The following WASHC2A variants were observed in gnomAD, a reference collection of about 807,000 sequenced individuals.
The protein encoded by WASHC2A is WASH complex subunit 2A.
A neutral mutation model predicts 140.3 loss-of-function variants in WASHC2A; 82 were observed. The ratio of observed to expected loss-of-function variants is 0.58; its 90% CI spans 0.49 to 0.70. The LOEUF (loss-of-function observed/expected upper bound fraction) is 0.70. WASHC2A is among the 30% of genes least tolerant of loss of function. The probability of loss-of-function intolerance (pLI) is 0.00; values close to 1 mark genes in which losing one functional copy is unlikely to be tolerated. For synonymous variants in WASHC2A, 340 were observed against 560.8 expected, an observed-to-expected ratio of 0.61 and a Z score of 5.56; for missense variants, 985 against 1,521.8, an observed-to-expected ratio of 0.65 and a Z score of 5.87.
intron 15 of WASHC2A, 36 bp downstream of exon 15, chr10:50,095,814 C>A: frequency 1.3e-6 from 2 of 1,571,726 alleles, no homozygotes; most frequent in East Asian, 2.4e-5. Context: ...GGACTTCAGC[C>A]AGAAAAAGAA....
chr10:50,112,147 A>G (rs1842343953), intron 20 of WASHC2A: 1 of 984,228 alleles, frequency 1.0e-6, no homozygotes, highest in Non-Finnish European at 1.2e-6. Context: ...TCTGCACTGT[A>G]TCCAGGTTAG....
intron 10 of WASHC2A, 90 bp from the exon 11 acceptor site, chr10:50,092,072 G>C: frequency 8.6e-7 from 1 of 1,161,974 alleles, no homozygotes. Context: ...TCTTAGCTGT[G>C]AGTTATGAGG....
Position 50,119,732 on chromosome 10 carries a change from A to G in WASHC2A, c.2441A>G (p.Gln814Arg). 3.1e-6 allele frequency: 5 copies of G among 1,605,454 alleles called. No individual in the cohort carries two copies. Among genetic ancestry groups the G allele is most frequent in the Non-Finnish European group, 4.2e-6 (5 of 1,179,636 alleles). ...FDEEEDKMED[Q>R]NIIQAPQKEV... is the part of the protein sequence containing the mutation. ...GAGGAAGAGGATAAAATGGAAGATCAAAACATTATCCAGGCTCCACAGAAA... is the reference window on the plus strand; with the variant it reads ...GAGGAAGAGGATAAAATGGAAGATCGAAACATTATCCAGGCTCCACAGAAA... Residue 814 changes from glutamine (Q) to arginine (R), a missense_variant, in exon 23 of 31, where the codon CAA becomes CGA. Physicochemically the swap from Gln to Arg is conservative, Grantham distance 43. Transcript: ENST00000282633.
intron 19 of WASHC2A, among the ~76,000 whole-genome samples, 198 bp from the exon 20 acceptor site, chr10:50,109,903 G>A (rs1842126995): frequency 6.6e-6 from 1 of 151,844 alleles, no homozygotes; most frequent in South Asian, 2.1e-4. Flanking sequence ...CCGAGTAGCT[G>A]GGACTACAGG....
At chr10:50,121,469 C>T (rs1425388415) in intron 23 of WASHC2A, among the ~76,000 whole-genome samples, 1 of 149,252 alleles carries the variant, frequency 6.7e-6, no homozygotes, top group African/African-American at 2.6e-5. Context: ...TCTTGGCTCA[C>T]TGCAACCTTT....
intron 18 of WASHC2A, among the ~76,000 whole-genome samples, chr10:50,104,558 T>C (rs1841560283): frequency 6.6e-6 from 1 of 152,060 alleles, no homozygotes; most frequent in African/African-American, 2.4e-5. Context: ...GGTTTCACCA[T>C]GTTGGCCAGG....
intron 3 of WASHC2A, among the ~76,000 whole-genome samples, chr10:50,077,275 C>T (rs1422171507): frequency 6.6e-6 from 1 of 152,002 alleles, no homozygotes; most frequent in Non-Finnish European, 1.5e-5. Context: ...GCCTGGGTGA[C>T]AGAGCTAGAC....
intron 2 of WASHC2A, among the ~76,000 whole-genome samples, chr10:50,068,462 C>T (rs1288994436): frequency 6.6e-6 from 1 of 151,606 alleles, no homozygotes; most frequent in Non-Finnish European, 1.5e-5. Flanking sequence ...GTTTCTGGCT[C>T]AGCTCCATCC....
intron 17 of WASHC2A, among the ~76,000 whole-genome samples, chr10:50,103,180 T>A (rs1841383138): frequency 1.3e-5 from 2 of 152,084 alleles, no homozygotes; most frequent in South Asian, 4.2e-4. Context: ...TCAGGTCTTA[T>A]CCTGGTTTGC....
chr10:50,132,857 G>T lies in WASHC2A; in HGVS notation c.3938G>T (p.Arg1313Leu), dbSNP rs200743948. ...IQAKTTKPKS[R>L]SAQAAPEPRF... ...GCTAAGACAACCAAACCAAAAAGCC[G>T]ATCTGCACAGGCCGCACCTGAACCA... The change falls in exon 31 of 31, where the codon CGA becomes CTA. Residue 1313 changes from arginine to leucine, a missense_variant. Physicochemically the swap from Arg to Leu is moderately radical, Grantham distance 102. Transcript: ENST00000282633. 70 of 1,611,790 alleles carry T rather than the reference G, an allele frequency of 4.3e-5. No homozygotes were observed. The highest frequency in any genetic ancestry group is 5.5e-5 in the Non-Finnish European group (65 of 1,179,858).
intron 3 of WASHC2A, among the ~76,000 whole-genome samples, chr10:50,077,322 G>A (rs1274945797): frequency 3.3e-5 from 5 of 151,976 alleles, no homozygotes; most frequent in African/African-American, 1.2e-4. Context: ...AGCAGGAAGG[G>A]TAGGAGAGCT....
intron 17 of WASHC2A, among the ~76,000 whole-genome samples, chr10:50,100,299 T>C (rs1355320426): frequency 6.6e-6 from 1 of 151,700 alleles, no homozygotes; most frequent in African/African-American, 2.4e-5. Flanking sequence ...CTGGCCAACA[T>C]GATGAAACCC....
intron 16 of WASHC2A, among the ~76,000 whole-genome samples, chr10:50,098,856 C>A (rs1168167001): frequency 3.0e-4 from 45 of 148,796 alleles, no homozygotes; most frequent in African/African-American, 1.1e-3. Flanking sequence ...GGGTTGTGCA[C>A]TTCCAGTTGG....
intron 4 of WASHC2A, among the ~76,000 whole-genome samples, chr10:50,079,481 C>T (rs1838696135): frequency 6.6e-6 from 1 of 152,256 alleles, no homozygotes; most frequent in Non-Finnish European, 1.5e-5. Context: ...ACTGCAACCT[C>T]TGCTTCCTGG....
chr10:50,110,298 C>T (rs1842170441), intron 20 of WASHC2A, 28 bp downstream of exon 20: 4 of 1,607,084 alleles, frequency 2.5e-6, no homozygotes, highest in Admixed American at 1.7e-5. Flanking sequence ...AGGAGTCCCT[C>T]ACTCCGTTAC....
Position 50,104,119 on chromosome 10 carries a change from C to T in WASHC2A, c.1713C>T (p.Ser571=), listed in dbSNP as rs368861854. 6.8e-7 allele frequency: 1 copy of T among 1,461,234 alleles called. No individual in the cohort carries two copies. The highest frequency in any genetic ancestry group is 1.4e-5 in the African/African-American group (1 of 72,478). The allele number at this position is 1,461,234 out of a possible 1,614,324, so 90.5% of individuals were successfully genotyped here. Residue 571 remains serine (S), a synonymous_variant, in exon 18 of 31, where the codon TCC becomes TCT. Transcript: ENST00000282633. The part of the protein sequence containing the change: ...LLPGKLPTLV[S]LFDDEDEEDN... ...CTGGCAAGCTCCCCACGTTGGTTTC[C>T]CTGTTTGATGATGAAGATGAAGAGG...
Position 50,133,088 on chromosome 10 carries a change from T to G in WASHC2A, c.*143T>G. On this transcript the variant is annotated 3_prime_UTR_variant, in exon 31 of 31. Coordinates refer to ENST00000282633, the MANE Select transcript of WASHC2A (RefSeq NM_001005751.3). ...TCGTTCACCCAATGTACTTGGTATT[T>G]TTCTGCACTGGTTTAATCATGCTTA... The G allele has an allele frequency of 1.3e-6, 2 of 1,504,250 alleles. No homozygotes were observed. The highest frequency in any genetic ancestry group is 1.8e-6 in the Non-Finnish European group (2 of 1,107,982). 93.2% of individuals were successfully genotyped at this position (1,504,250 alleles called of 1,614,324 possible). A position where few individuals can be genotyped will look rare whatever the true frequency, so the allele number is the denominator to read the frequency against.
intron 17 of WASHC2A, among the ~76,000 whole-genome samples, chr10:50,102,014 T>C (rs1395155964): frequency 6.6e-6 from 1 of 152,164 alleles, no homozygotes; most frequent in Non-Finnish European, 1.5e-5. Context: ...AAGTCAACGG[T>C]GTTCCTTTTG....
chr10:50,087,816 A>T lies in WASHC2A; in HGVS notation c.732+494A>T, dbSNP rs546415206. Among the ~76,000 whole-genome samples, 377 of 152,032 alleles carry T rather than the reference A, an allele frequency of 2.5e-3. 2 individuals are homozygous for T. The highest frequency in any genetic ancestry group is 8.7e-3 in the African/African-American group (362 of 41,496). ...ACATTTTATAAATGTATCCTTATTT[A>T]TTATTATTATTTTTTTGAGATGGAG... On this transcript the variant is annotated intron_variant, in intron 8 of 30. Transcript: ENST00000282633.
Sources: gnomAD v4.1 joint callset for allele counts (sites outside exome capture counted in the v4.1 genomes callset) on GRCh38, gnomAD v4.1.1 for gene constraint, MANE v1.5 for transcripts, NCBI Gene and HGNC (gene_info 2026-07-23, HGNC 2026-07-21) for gene names.